CEP57L1: variants seen among roughly 807,000 people sequenced by gnomAD.
CEP57L1 encodes the protein centrosomal protein 57 like 1.
A neutral mutation model predicts 61.0 loss-of-function variants in CEP57L1; 37 were observed. That is an observed-to-expected ratio of 0.61 (90% CI 0.47 to 0.80). The LOEUF is 0.80. Ranked by LOEUF, CEP57L1 falls within the 30% of genes least tolerant of loss-of-function variation. The probability of loss-of-function intolerance (pLI) is 0.00; values close to 1 mark genes in which losing one functional copy is unlikely to be tolerated. For synonymous variants in CEP57L1, 137 were observed against 162.3 expected, an observed-to-expected ratio of 0.84 and a Z score of 1.19; for missense variants, 422 against 524.7, an observed-to-expected ratio of 0.80 and a Z score of 1.91.
chr6:109,132,874 A>G (rs989973596), intron 1 of CEP57L1, among the ~76,000 whole-genome samples: 12 of 152,014 alleles, frequency 7.9e-5, no homozygotes, highest in African/African-American at 2.9e-4. Context: ...ATCTTTTCCT[A>G]TATTTATAAG....
chr6:109,109,759 A>C (rs1771364714), intron 1 of CEP57L1, among the ~76,000 whole-genome samples: 1 of 152,198 alleles, frequency 6.6e-6, no homozygotes, highest in Non-Finnish European at 1.5e-5. Context: ...CTCATCGTTC[A>C]ACTCCCACTT....
At chr6:109,119,445 A>G (rs1175825069) in intron 1 of CEP57L1, among the ~76,000 whole-genome samples, 1 of 152,040 alleles carries the variant, frequency 6.6e-6, no homozygotes, top group Non-Finnish European at 1.5e-5. Flanking sequence ...TTACGTGTTG[A>G]CCTCCTCAGG....
intron 4 of CEP57L1, among the ~76,000 whole-genome samples, chr6:109,152,883 C>T (rs1486338089): frequency 6.6e-6 from 1 of 151,730 alleles, no homozygotes; most frequent in African/African-American, 2.4e-5. Context: ...CCAAGGCGGG[C>T]AGATGACTTG....
intron 1 of CEP57L1, among the ~76,000 whole-genome samples, chr6:109,109,429 A>G (rs1771316578): frequency 2.0e-5 from 3 of 152,194 alleles, no homozygotes; most frequent in Non-Finnish European, 4.4e-5. Flanking sequence ...ATTTCAATTA[A>G]CATCCTTTGA....
intron 4 of CEP57L1, among the ~76,000 whole-genome samples, chr6:109,153,235 T>C (rs1347876067): frequency 7.8e-6 from 1 of 128,326 alleles, no homozygotes; most frequent in African/African-American, 3.1e-5. Flanking sequence ...TCTGCACTTT[T>C]TTTTTTTTTT....
chr6:109,167,695 A>AAG lies in CEP57L1; in HGVS notation c.*4726_*4727insGA, dbSNP rs1774199862. Among the ~76,000 whole-genome samples, 1 of 152,042 alleles carries AAG rather than the reference A, an allele frequency of 6.6e-6. No homozygotes were observed. The stretch of plus-strand genomic sequence containing the variant: ...CTGCCTCAAAGCAAAAAAAAAAAGA[A>AAG]AAGAAAAGAAAAAAGGAATAGCCCA... On this transcript the variant is annotated 3_prime_UTR_variant, in exon 11 of 11. Coordinates refer to ENST00000517392, the MANE Select transcript of CEP57L1 (RefSeq NM_001271852.3).
rs1487272985 is a variant in CEP57L1 at position 109,132,386 on chromosome 6, G to A, written c.-3-12833G>A. 2.0e-5 allele frequency among the ~76,000 whole-genome samples: 3 copies of A among 152,062 alleles called. No individual in the cohort carries two copies. The East Asian group carries it at 5.8e-4, about 29-fold the overall frequency. ...AAAAATTGTATGATACTCTTCTTCAGTAACTTGCATTTTTCACCCAACAGT... is the reference window on the plus strand; with the variant it reads ...AAAAATTGTATGATACTCTTCTTCAATAACTTGCATTTTTCACCCAACAGT... On this transcript the variant is annotated intron_variant, in intron 1 of 10. Coordinates refer to ENST00000517392, the MANE Select transcript of CEP57L1 (RefSeq NM_001271852.3).
chr6:109,120,789 T>C (rs1277961351), intron 1 of CEP57L1, among the ~76,000 whole-genome samples: 3 of 152,126 alleles, frequency 2.0e-5, no homozygotes, highest in Non-Finnish European at 2.9e-5. Flanking sequence ...AGAAACGTAG[T>C]GTCACTATGA....
At chr6:109,120,905 GACACACGCACACACACACACACAC>G (rs778561491) in intron 1 of CEP57L1, among the ~76,000 whole-genome samples, 4 of 128,298 alleles carry the variant, frequency 3.1e-5, no homozygotes, top group African/African-American at 6.3e-5. Context: ...CCTATACTTA[GACACACGCACACACACACACACAC>G]ACACACACAC....
intron 4 of CEP57L1, among the ~76,000 whole-genome samples, chr6:109,152,922 A>C: frequency 1.3e-5 from 2 of 151,968 alleles, no homozygotes. Flanking sequence ...CAGCCTGAGC[A>C]ACACGGTGAA....
In CEP57L1 at chr6:109,146,826, G is replaced by T. The variant is rs750358213; in HGVS notation, c.229G>T (p.Glu77Ter). 5 of 1,610,270 alleles carry T rather than the reference G, an allele frequency of 3.1e-6. No homozygotes were observed. In the Admixed American group the frequency reaches 8.4e-5, roughly 27 times the overall value. The change falls in exon 3 of 11, where the codon GAA becomes TAA. Residue 77 changes from glutamate (E) to a stop codon, truncating the protein, a stop_gained. Transcript: ENST00000517392. LOFTEE classifies it high-confidence loss of function. ...TTTAGAGCTGGAGAGAACACAAGCT[G>T]AAGATAACCTGAACATTCTTTCCAG... The part of the protein sequence containing the change: ...HRLELERTQA[E>*]DNLNILSREA...
In CEP57L1 at chr6:109,095,863, G is replaced by A. The variant is rs79100271; in HGVS notation, c.-4+288G>A. ...GCTTCGCGCTGCTGCCTCTGATTCC[G>A]CCCTTTTTTGTGGACACACGCGGGG... On this transcript the variant is annotated intron_variant, in intron 1 of 10. Transcript: ENST00000517392. 3.4e-3 allele frequency among the ~76,000 whole-genome samples: 515 copies of A among 152,218 alleles called. 1 individual carries two copies. Among genetic ancestry groups the A allele is most frequent in the African/African-American group, 0.01 (416 of 41,520 alleles).
rs1267708409 is a variant in CEP57L1, at chr6:109,167,631, T to C, written c.*4661T>C. Among the ~76,000 whole-genome samples the C allele has an allele frequency of 6.6e-6, 1 of 151,508 alleles. No individual in the cohort carries two copies. The highest frequency in any genetic ancestry group is 1.5e-5 in the Non-Finnish European group (1 of 67,948). ...GGCAGAGGTTGCGGTGAGCCGAGAT[T>C]GTGCCACTGCACTCCAGCCTGGGCA... On this transcript the variant is annotated 3_prime_UTR_variant, in exon 11 of 11. Transcript: ENST00000517392.
At chr6:109,114,111 T>A (rs1772000377) in intron 1 of CEP57L1, among the ~76,000 whole-genome samples, 2 of 152,310 alleles carry the variant, frequency 1.3e-5, no homozygotes, top group Non-Finnish European at 2.9e-5. Flanking sequence ...ATGCTATTTT[T>A]CATTTTCTGA....
chr6:109,155,433 A>G (rs1437263189), intron 6 of CEP57L1, 126 bp downstream of exon 6: 10 of 528,986 alleles, frequency 1.9e-5, no homozygotes, highest in East Asian at 3.4e-5. Context: ...TTTCGTTACA[A>G]TAATGAAATT....
chr6:109,127,884 T>C (rs1247300446), intron 1 of CEP57L1, among the ~76,000 whole-genome samples: 4 of 151,994 alleles, frequency 2.6e-5, no homozygotes, highest in Admixed American at 1.3e-4. Context: ...CGCCTCGGCC[T>C]CCCAAAGTGC....
intron 1 of CEP57L1, among the ~76,000 whole-genome samples, chr6:109,120,872 A>C (rs1007754608): frequency 1.3e-5 from 2 of 150,418 alleles, no homozygotes; most frequent in African/African-American, 4.9e-5. Context: ...CTGTTACTTC[A>C]CTTTCTGCAG....
In CEP57L1 at chr6:109,150,246, A is replaced by G. The variant is rs146582552; in HGVS notation, c.462+7A>G. ...CATGATCCTAGAACAACAGGTGAGC[A>G]TATTTTCTATAAGGAATGATAATAT... is the stretch of plus-strand genomic sequence containing the variant. On this transcript the variant is annotated splice_region_variant and intron_variant, in intron 4 of 10. Transcript: ENST00000517392. 2.4e-4 allele frequency: 377 copies of G among 1,588,510 alleles called. No individual in the cohort carries two copies. The African/African-American group carries it at 4.6e-3, about 19-fold the overall frequency.
chr6:109,150,547 A>G (rs959393934), intron 4 of CEP57L1, among the ~76,000 whole-genome samples: 3 of 152,156 alleles, frequency 2.0e-5, no homozygotes, highest in Admixed American at 2.0e-4. Context: ...CTGTAATCTC[A>G]GCTACTCAGG....
Sources: allele counts gnomAD v4.1 joint callset (sites outside exome capture counted in the v4.1 genomes callset), GRCh38; gene constraint gnomAD v4.1.1; transcripts MANE v1.5; gene names NCBI Gene and HGNC (gene_info 2026-07-23, HGNC 2026-07-21).